SCARA3: variants seen among roughly 807,000 people sequenced by gnomAD.
SCARA3 encodes scavenger receptor class A member 3, also known as cellular stress response gene protein.
In SCARA3, 39 loss-of-function variants were observed where a neutral mutation model predicts 47.0. That is an observed-to-expected ratio of 0.83 (90% CI 0.64 to 1.08). The LOEUF (loss-of-function observed/expected upper bound fraction) is 1.08. Ranked by LOEUF, SCARA3 falls within the 50% of genes least tolerant of loss-of-function variation. SCARA3 has a pLI of 0.00. For synonymous variants in SCARA3, 356 were observed against 334.1 expected, an observed-to-expected ratio of 1.07 and a Z score of -0.71; for missense variants, 724 against 792.3, an observed-to-expected ratio of 0.91 and a Z score of 1.04.
chr8:27,670,451 T>C (rs1375505747), intron 5 of SCARA3, among the ~76,000 whole-genome samples: 1 of 152,204 alleles, frequency 6.6e-6, no homozygotes, highest in Non-Finnish European at 1.5e-5. Context: ...TTACTCATAC[T>C]GGGACACACC....
chr8:27,663,717 C>T (rs1240484079), intron 5 of SCARA3, among the ~76,000 whole-genome samples: 1 of 152,124 alleles, frequency 6.6e-6, no homozygotes, highest in African/African-American at 2.4e-5. Flanking sequence ...AGGGATTGTA[C>T]TGATTCACCT....
chr8:27,671,424 C>G lies in SCARA3; in HGVS notation c.*73C>G. The G allele has an allele frequency of 2.2e-6, 3 of 1,342,874 alleles. No individual in the cohort carries two copies. The highest frequency in any genetic ancestry group is 2.8e-6 in the Non-Finnish European group (3 of 1,052,772). 83.2% of individuals were successfully genotyped at this position (1,342,874 alleles called of 1,614,324 possible). A position where few individuals can be genotyped will look rare whatever the true frequency, so the allele number is the denominator to read the frequency against. ...AGAGCAGATCCAGGCCCCAGAAAGC[C>G]TCACCTACAGACAGCTGTGGTCCTC... On this transcript the variant is annotated 3_prime_UTR_variant, in exon 6 of 6. Transcript: ENST00000301904.
the SCARA3 span, among the ~76,000 whole-genome samples, chr8:27,720,618 CTCCATCCATCCATCCATCCA>C: frequency 2.1e-5 from 3 of 145,364 alleles, no homozygotes; most frequent in Admixed American, 6.9e-5. Flanking sequence ...TCCTTTCTAT[CTCCATCCATCCATCCATCCA>C]TCCATCCATC....
Position 27,658,613 on chromosome 8 carries a change from T to C in SCARA3, c.443T>C (p.Val148Ala). The C allele has an allele frequency of 6.2e-7, 1 of 1,613,756 alleles. No individual in the cohort carries two copies. The highest frequency in any genetic ancestry group is 8.5e-7 in the Non-Finnish European group (1 of 1,179,920). Residue 148 changes from valine (V) to alanine (A), a missense_variant, in exon 5 of 6, where the codon GTG becomes GCG. Coordinates refer to ENST00000301904, the MANE Select transcript of SCARA3 (RefSeq NM_016240.3). ...CAGAAGCTGCTTCTGGCCCAGGAGG[T>C]GCAGCTGGACCAGACCTTACAGGCC... ...GIQKLLLAQE[V>A]QLDQTLQAQE...
chr8:27,694,568 A>G, the SCARA3 span, among the ~76,000 whole-genome samples: 1 of 152,190 alleles, frequency 6.6e-6, no homozygotes, highest in Non-Finnish European at 1.5e-5. Context: ...GAGGAAAACC[A>G]TGTGTTGAAG....
the SCARA3 span, among the ~76,000 whole-genome samples, chr8:27,714,343 C>T: frequency 5.9e-5 from 9 of 151,756 alleles, no homozygotes; most frequent in South Asian, 2.1e-4. Flanking sequence ...TACAGGTGCC[C>T]GCCACCACGC....
At chr8:27,673,121 C>A (rs1585301515), downstream of SCARA3, 1 of 468,420 alleles carries the variant, frequency 2.1e-6, no homozygotes. Flanking sequence ...GAGGGTCCCC[C>A]AAAAATTCAA....
chr8:27,698,725 A>C, the SCARA3 span, among the ~76,000 whole-genome samples: 1 of 152,210 alleles, frequency 6.6e-6, no homozygotes, highest in Admixed American at 6.5e-5. Context: ...GGAGCAAAAA[A>C]TAAGAAAATT....
chr8:27,655,911 A>G (rs1004691312), intron 3 of SCARA3, among the ~76,000 whole-genome samples: 1 of 152,208 alleles, frequency 6.6e-6, no homozygotes, highest in Non-Finnish European at 1.5e-5. Flanking sequence ...TGTTCAGAAC[A>G]TCCCAGTTTT....
At chr8:27,719,338 G>A in the SCARA3 span, among the ~76,000 whole-genome samples, 2 of 152,110 alleles carry the variant, frequency 1.3e-5, no homozygotes, top group African/African-American at 4.8e-5. Context: ...ATGAGAACAC[G>A]TGGACGCATA....
chr8:27,673,121 CA>C (rs199905290), downstream of SCARA3: 267 of 468,418 alleles, frequency 5.7e-4, 1 homozygote, highest in African/African-American at 5.1e-3. Flanking sequence ...GAGGGTCCCC[CA>C]AAAATTCAAT....
At chr8:27,652,097 T>A (rs1192646084) in intron 3 of SCARA3, among the ~76,000 whole-genome samples, 1 of 152,348 alleles carries the variant, frequency 6.6e-6, no homozygotes, top group Non-Finnish European at 1.5e-5. Context: ...GCTGGATGCC[T>A]ACCTGCAGCA....
intron 1 of SCARA3, among the ~76,000 whole-genome samples, chr8:27,649,145 T>A (rs1801575124): frequency 6.6e-6 from 1 of 152,204 alleles, no homozygotes; most frequent in South Asian, 2.1e-4. Context: ...AAAGGAGACC[T>A]GCTCCGCCCA....
At chr8:27,682,256 C>T in the SCARA3 span, among the ~76,000 whole-genome samples, 1 of 152,166 alleles carries the variant, frequency 6.6e-6, no homozygotes, top group African/African-American at 2.4e-5. Flanking sequence ...TTTACCTCAT[C>T]ATATACACAA....
intron 1 of SCARA3, among the ~76,000 whole-genome samples, chr8:27,634,769 A>C (rs1047856896): frequency 1.3e-5 from 2 of 152,166 alleles, no homozygotes; most frequent in Non-Finnish European, 2.9e-5. Context: ...CCGCCGGGGA[A>C]GCCCCATGGG....
intron 5 of SCARA3, among the ~76,000 whole-genome samples, chr8:27,669,449 C>T (rs1802096060): frequency 6.6e-6 from 1 of 152,234 alleles, no homozygotes; most frequent in South Asian, 2.1e-4. Flanking sequence ...GTGGCTCCTG[C>T]ACAGGCATCA....
chr8:27,652,585 T>C (rs935687389), intron 3 of SCARA3, among the ~76,000 whole-genome samples: 1 of 152,232 alleles, frequency 6.6e-6, no homozygotes, highest in Admixed American at 6.5e-5. Flanking sequence ...TGGCTGGAGA[T>C]ATTCGGTAAC....
chr8:27,672,595 A>G lies in SCARA3; in HGVS notation c.*1244A>G, dbSNP rs1802193763. ...CCACAATGGCCCGAGCCCTCTTTGC[A>G]TGGGCAGCCAGCTGGACTAGGAGTG... is the stretch of plus-strand genomic sequence containing the variant. On this transcript the variant is annotated 3_prime_UTR_variant, in exon 6 of 6. Transcript: ENST00000301904. The G allele has an allele frequency of 3.0e-6, 3 of 985,424 alleles. No homozygotes were observed. The highest frequency in any genetic ancestry group is 3.6e-6 in the Non-Finnish European group (3 of 830,026). The allele number at this position is 985,424 out of a possible 1,614,324, so 61.0% of individuals were successfully genotyped here. A position where few individuals can be genotyped will look rare whatever the true frequency, so the allele number is the denominator to read the frequency against.
At chr8:27,661,266 T>C (rs540429833) in intron 5 of SCARA3, among the ~76,000 whole-genome samples, 19 of 152,284 alleles carry the variant, frequency 1.2e-4, no homozygotes, top group Non-Finnish European at 2.5e-4. Flanking sequence ...CCTTAAACCA[T>C]ACTTAATCTC....
Sources: gnomAD v4.1 joint callset for allele counts (sites outside exome capture counted in the v4.1 genomes callset) on GRCh38, gnomAD v4.1.1 for gene constraint, MANE v1.5 for transcripts, NCBI Gene and HGNC (gene_info 2026-07-23, HGNC 2026-07-21) for gene names.